PTPRD: variants seen among roughly 807,000 people sequenced by gnomAD.
The protein encoded by PTPRD is protein tyrosine phosphatase receptor type D, also known as receptor-type tyrosine-protein phosphatase delta.
A neutral mutation model predicts 214.5 loss-of-function variants in PTPRD; 34 were observed. The observed-to-expected ratio is 0.16, with a 90% CI of 0.12 to 0.21. The LOEUF (loss-of-function observed/expected upper bound fraction) is 0.21, where lower values mean the gene tolerates loss of function less well. Among genes scored for constraint, PTPRD ranks in the 10% least tolerant of loss-of-function variants. The probability of loss-of-function intolerance (pLI) is 1.00; values close to 1 mark genes in which losing one functional copy is unlikely to be tolerated. For synonymous variants in PTPRD, 1,128 were observed against 845.7 expected (o/e 1.33, Z -5.79); for missense variants, 2,545 against 2,398.7 (o/e 1.06, Z -1.27).
At chr9:8,726,637 A>G (rs1446484277) in intron 12 of PTPRD, among the ~76,000 whole-genome samples, 1 of 64,956 alleles carries the variant, frequency 1.5e-5, no homozygotes, top group Non-Finnish European at 2.7e-5. Flanking sequence ...ATATATATAT[A>G]TATATATATA....
chr9:9,683,313 C>G (rs1368985339), intron 7 of PTPRD, among the ~76,000 whole-genome samples: 1 of 151,652 alleles, frequency 6.6e-6, no homozygotes, highest in Admixed American at 6.6e-5. Flanking sequence ...AATTGATTTT[C>G]TTTGGAAGCC....
chr9:9,377,213 T>A (rs556136417), intron 9 of PTPRD, among the ~76,000 whole-genome samples: 41 of 152,232 alleles, frequency 2.7e-4, no homozygotes, highest in Non-Finnish European at 4.1e-4. Flanking sequence ...TAGATATATA[T>A]GAATACAGTA....
chr9:9,537,042 T>A (rs2076664336), intron 8 of PTPRD, among the ~76,000 whole-genome samples: 1 of 151,812 alleles, frequency 6.6e-6, no homozygotes, highest in Non-Finnish European at 1.5e-5. Context: ...TTGCTGAAAG[T>A]CCTTCCTCTC....
intron 10 of PTPRD, among the ~76,000 whole-genome samples, chr9:9,072,326 T>A (rs1433383586): frequency 8.3e-6 from 1 of 119,844 alleles, no homozygotes; most frequent in Non-Finnish European, 1.9e-5. Context: ...CACACACTCC[T>A]TAATATTCCC....
rs142222627 is a variant in PTPRD at position 9,315,261 on chromosome 9, G to A, written c.-203+82188C>T. Among the ~76,000 whole-genome samples the A allele has an allele frequency of 5.1e-3, 767 of 151,734 alleles. 4 individuals are homozygous for A. Among genetic ancestry groups the A allele is most frequent in the African/African-American group, 0.017 (725 of 41,438 alleles). On this transcript the variant is annotated intron_variant, in intron 9 of 45. Transcript: ENST00000381196. ...ATATCCTTATCTGAAGTATTTTCTC[G>A]TATTTGATATACAGCTAAATTAAAA...
At chr9:9,132,037 T>C (rs1401324345) in intron 10 of PTPRD, among the ~76,000 whole-genome samples, 1 of 152,106 alleles carries the variant, frequency 6.6e-6, no homozygotes, top group African/African-American at 2.4e-5. Context: ...AGACGGAGTC[T>C]GTCTCTGTTG....
At chr9:10,019,531 A>T (rs200901444) in intron 4 of PTPRD, among the ~76,000 whole-genome samples, 20 of 152,162 alleles carry the variant, frequency 1.3e-4, no homozygotes, top group African/African-American at 3.6e-4. Context: ...CCAAGCCAAA[A>T]GTCCAACAAT....
At chr9:8,522,044 T>C (rs2097902020) in intron 19 of PTPRD, among the ~76,000 whole-genome samples, 1 of 152,128 alleles carries the variant, frequency 6.6e-6, no homozygotes, top group African/African-American at 2.4e-5. Flanking sequence ...CTGGAAAACA[T>C]CACCTAGAGT....
At chr9:10,180,604 C>CAAAAAAAAAAAA (rs1288616582) in intron 3 of PTPRD, among the ~76,000 whole-genome samples, 2 of 76,180 alleles carry the variant, frequency 2.6e-5, no homozygotes, top group African/African-American at 4.9e-5. Context: ...AGATAAAGTA[C>CAAAAAAAAAAAA]AAAAAAAAAA....
intron 3 of PTPRD, among the ~76,000 whole-genome samples, chr9:10,205,525 C>G (rs886816359): frequency 1.3e-5 from 2 of 152,032 alleles, no homozygotes; most frequent in Non-Finnish European, 2.9e-5. Context: ...CCTGCCACAG[C>G]CTCTGAAGTA....
chr9:8,593,092 T>C (rs1594779021), intron 14 of PTPRD, among the ~76,000 whole-genome samples: 1 of 152,310 alleles, frequency 6.6e-6, no homozygotes, highest in Admixed American at 6.5e-5. Flanking sequence ...TAGGAAGAGC[T>C]TACTTACTGT....
intron 3 of PTPRD, among the ~76,000 whole-genome samples, chr9:10,181,234 T>C (rs2099281380): frequency 6.6e-6 from 1 of 152,100 alleles, no homozygotes; most frequent in Non-Finnish European, 1.5e-5. Context: ...TATGAGCAAT[T>C]TTCAACCAGA....
At chr9:9,965,202 G>A (rs980839808) in intron 4 of PTPRD, among the ~76,000 whole-genome samples, 2 of 152,054 alleles carry the variant, frequency 1.3e-5, no homozygotes, top group African/African-American at 4.8e-5. Context: ...TAGAACCATA[G>A]AATCATGAAA....
In PTPRD at chr9:10,345,835, G is replaced by A. The variant is rs554192714; in HGVS notation, c.-599-4818C>T. 2.3e-3 allele frequency among the ~76,000 whole-genome samples: 354 copies of A among 152,204 alleles called. 3 individuals are homozygous for A. The highest frequency in any genetic ancestry group is 8.3e-3 in the African/African-American group (343 of 41,548). The stretch of plus-strand genomic sequence containing the variant: ...TCTGGTTCTGGATCCTTGAACAATC[G>A]CCACATGTCTTCCACATGCTTGAAG... On this transcript the variant is annotated intron_variant, in intron 2 of 45. Coordinates refer to ENST00000381196, the MANE Select transcript of PTPRD (RefSeq NM_002839.4).
chr9:8,718,604 C>G (rs2098461037), intron 12 of PTPRD, among the ~76,000 whole-genome samples: 1 of 152,124 alleles, frequency 6.6e-6, no homozygotes, highest in Non-Finnish European at 1.5e-5. Context: ...AGTCATTTTC[C>G]TTCATATTAA....
At chr9:10,341,762 T>C (rs1565409539) in intron 2 of PTPRD, among the ~76,000 whole-genome samples, 1 of 152,094 alleles carries the variant, frequency 6.6e-6, no homozygotes, top group Non-Finnish European at 1.5e-5. Context: ...TCTTTTCATT[T>C]GTTTGTTATT....
intron 3 of PTPRD, among the ~76,000 whole-genome samples, chr9:10,288,845 T>C (rs572074728): frequency 3.9e-5 from 6 of 152,244 alleles, no homozygotes; most frequent in South Asian, 2.1e-4. Flanking sequence ...ATTTCAGAGA[T>C]GCTAAAATTG....
At chr9:8,934,530 T>TATAA in intron 11 of PTPRD, among the ~76,000 whole-genome samples, 1 of 113,160 alleles carries the variant, frequency 8.8e-6, no homozygotes, top group African/African-American at 3.3e-5. Context: ...AATATATATA[T>TATAA]ATATGGGAAA....
intron 2 of PTPRD, among the ~76,000 whole-genome samples, chr9:10,602,344 C>T (rs2078191938): frequency 6.6e-6 from 1 of 151,758 alleles, no homozygotes; most frequent in African/African-American, 2.4e-5. Flanking sequence ...CACCAGGTTT[C>T]AATCAATACA....
Sources: allele counts gnomAD v4.1 joint callset (sites outside exome capture counted in the v4.1 genomes callset), GRCh38; gene constraint gnomAD v4.1.1; transcripts MANE v1.5; gene names NCBI Gene and HGNC (gene_info 2026-07-23, HGNC 2026-07-21).